SLX4IP: variants seen among roughly 807,000 people sequenced by gnomAD.
SLX4IP encodes protein SLX4IP.
In SLX4IP, 34 loss-of-function variants were observed where a neutral mutation model predicts 32.9. The observed-to-expected ratio is 1.03, with a 90% CI of 0.79 to 1.38. The LOEUF is 1.38. Ranked by LOEUF, SLX4IP falls within the 40% of genes most tolerant of loss-of-function variation. The probability of loss-of-function intolerance (pLI) is 0.00; values close to 1 mark genes in which losing one functional copy is unlikely to be tolerated. For synonymous variants in SLX4IP, 172 were observed against 171.7 expected, an observed-to-expected ratio of 1.00 and a Z score of -0.01; for missense variants, 444 against 479.0, an observed-to-expected ratio of 0.93 and a Z score of 0.68.
intron 1 of SLX4IP, among the ~76,000 whole-genome samples, chr20:10,441,210 T>C (rs1166208656): frequency 6.6e-6 from 1 of 151,724 alleles, no homozygotes; most frequent in Non-Finnish European, 1.5e-5. Flanking sequence ...CTGAGGCGAG[T>C]GGAGTGCTTG....
intron 2 of SLX4IP, among the ~76,000 whole-genome samples, chr20:10,554,466 G>A (rs1049645277): frequency 1.7e-4 from 26 of 152,192 alleles, no homozygotes; most frequent in African/African-American, 4.8e-5. Flanking sequence ...AGGAATCATT[G>A]GCTCAGTTGA....
chr20:10,542,164 A>G (rs925857854), intron 2 of SLX4IP, among the ~76,000 whole-genome samples: 6 of 152,214 alleles, frequency 3.9e-5, no homozygotes, highest in African/African-American at 1.4e-4. Context: ...GTGGCCTATG[A>G]TAACAGTGCA....
At chr20:10,453,307 C>CGTGTATGTGTAT (rs2065258218) in intron 1 of SLX4IP, among the ~76,000 whole-genome samples, 1 of 142,886 alleles carries the variant, frequency 7.0e-6, no homozygotes, top group Non-Finnish European at 1.5e-5. Context: ...AAAACTCATC[C>CGTGTATGTGTAT]GTGTGTGTGT....
At position 10,626,296 on chromosome 20, in the gene SLX4IP, G is replaced by A. The variant is rs1183463294; in HGVS notation, c.*2917G>A. ...GATCCGCCCGCCTCGGCCTCCCAAA[G>A]TGCTGGGATTACAGGTGAGAGCCAC... On this transcript the variant is annotated 3_prime_UTR_variant, in exon 8 of 8. Coordinates refer to ENST00000334534, the MANE Select transcript of SLX4IP (RefSeq NM_001009608.3). 1 of 145,078 alleles carries A rather than the reference G, an allele frequency of 6.9e-6. No homozygotes were observed. Among genetic ancestry groups the A allele is most frequent in the Admixed American group, 7.2e-5 (1 of 13,872 alleles). The allele number at this position is 145,078 out of a possible 1,614,324, so 9.0% of individuals were successfully genotyped here. A position where few individuals can be genotyped will look rare whatever the true frequency, so the allele number is the denominator to read the frequency against.
chr20:10,522,863 C>G (rs1232842867), intron 2 of SLX4IP, among the ~76,000 whole-genome samples: 1 of 152,214 alleles, frequency 6.6e-6, no homozygotes, highest in Non-Finnish European at 1.5e-5. Flanking sequence ...GGTCCCACCA[C>G]AGGGTTGCTT....
intron 2 of SLX4IP, among the ~76,000 whole-genome samples, chr20:10,508,502 C>T (rs912387068): frequency 9.2e-5 from 14 of 152,274 alleles, no homozygotes; most frequent in African/African-American, 3.4e-4. Flanking sequence ...TTACATTTCC[C>T]TGTCTTCTTA....
At chr20:10,601,289 A>G (rs1301946705) in intron 5 of SLX4IP, among the ~76,000 whole-genome samples, 1 of 152,210 alleles carries the variant, frequency 6.6e-6, no homozygotes, top group African/African-American at 2.4e-5. Flanking sequence ...TAGCTAACCA[A>G]GGAGATGATA....
At chr20:10,435,943 G>A (rs535298622) in intron 1 of SLX4IP, among the ~76,000 whole-genome samples, 3 of 152,274 alleles carry the variant, frequency 2.0e-5, no homozygotes, top group Non-Finnish European at 4.4e-5. Context: ...TTATCACCTT[G>A]ACATCTACTA....
Position 10,556,279 on chromosome 20 carries a change from TCAAA to T in SLX4IP, c.81_84del (p.Asn27LysfsTer18). 6.2e-7 allele frequency: 1 copy of T among 1,613,504 alleles called. No homozygotes were observed. The highest frequency in any genetic ancestry group is 8.5e-7 in the Non-Finnish European group (1 of 1,179,800). On this transcript the variant is annotated frameshift_variant, in exon 3 of 8. Coordinates refer to ENST00000334534, the MANE Select transcript of SLX4IP (RefSeq NM_001009608.3). LOFTEE classifies it high-confidence loss of function. ...GGATCTTCATATCTTGCCACAAGGT[TCAAA>T]CAAAGATACAAGCTGGTTTTCTGAA...
intron 4 of SLX4IP, among the ~76,000 whole-genome samples, chr20:10,582,256 C>G (rs1276072140): frequency 1.3e-5 from 2 of 152,180 alleles, no homozygotes; most frequent in African/African-American, 4.8e-5. Context: ...GACACCTGAT[C>G]TGACACTTCT....
intron 2 of SLX4IP, among the ~76,000 whole-genome samples, chr20:10,459,827 A>T (rs1218338065): frequency 2.6e-5 from 4 of 152,198 alleles, no homozygotes; most frequent in African/African-American, 7.2e-5. Flanking sequence ...AGAAGAACTG[A>T]TGATGAGTGC....
At chr20:10,498,397 C>T (rs1263673046) in intron 2 of SLX4IP, among the ~76,000 whole-genome samples, 1 of 152,036 alleles carries the variant, frequency 6.6e-6, no homozygotes, top group Non-Finnish European at 1.5e-5. Context: ...CATTACTCTG[C>T]AGAATGGAAC....
At chr20:10,516,261 A>G (rs943645061) in intron 2 of SLX4IP, among the ~76,000 whole-genome samples, 3 of 152,208 alleles carry the variant, frequency 2.0e-5, no homozygotes, top group South Asian at 4.1e-4. Flanking sequence ...AGGTACACAC[A>G]TACACAAAAT....
intron 2 of SLX4IP, among the ~76,000 whole-genome samples, chr20:10,509,966 T>A (rs2122427723): frequency 6.6e-6 from 1 of 152,246 alleles, no homozygotes; most frequent in East Asian, 1.9e-4. Context: ...TGTGAGCCAC[T>A]GCACCAGCCT....
intron 6 of SLX4IP, among the ~76,000 whole-genome samples, chr20:10,602,460 T>G (rs1180591262): frequency 6.6e-6 from 1 of 152,238 alleles, no homozygotes; most frequent in Non-Finnish European, 1.5e-5. Context: ...GACTGCTTTG[T>G]CTTTTAAGCT....
At chr20:10,586,833 TA>T (rs1432196019) in intron 4 of SLX4IP, among the ~76,000 whole-genome samples, 1 of 152,058 alleles carries the variant, frequency 6.6e-6, no homozygotes, top group Non-Finnish European at 1.5e-5. Flanking sequence ...TAGAAAAATA[TA>T]AATTGTTAAT....
chr20:10,450,120 CTA>C (rs2065230232), intron 1 of SLX4IP, among the ~76,000 whole-genome samples: 2 of 152,222 alleles, frequency 1.3e-5, no homozygotes, highest in South Asian at 4.1e-4. Flanking sequence ...TCCACGTGGT[CTA>C]TCTGTCCTTC....
chr20:10,473,619 T>G (rs909387985), intron 2 of SLX4IP, among the ~76,000 whole-genome samples: 8 of 151,932 alleles, frequency 5.3e-5, no homozygotes, highest in African/African-American at 1.9e-4. Flanking sequence ...TTTTTTTTTT[T>G]TGAGACAGAG....
At chr20:10,474,913 G>A (rs1241591643) in intron 2 of SLX4IP, among the ~76,000 whole-genome samples, 1 of 152,170 alleles carries the variant, frequency 6.6e-6, no homozygotes, top group Non-Finnish European at 1.5e-5. Flanking sequence ...GGGAGCCGTG[G>A]GTTCAGGCCA....
Sources: gnomAD v4.1 joint callset for allele counts (sites outside exome capture counted in the v4.1 genomes callset) on GRCh38, gnomAD v4.1.1 for gene constraint, MANE v1.5 for transcripts, NCBI Gene and HGNC (gene_info 2026-07-23, HGNC 2026-07-21) for gene names.